The following TBC1D5 variants were observed in gnomAD, a reference collection of about 807,000 sequenced individuals.
TBC1D5 encodes TBC1 domain family member 5.
A neutral mutation model predicts 100.3 loss-of-function variants in TBC1D5; 75 were observed. The ratio of observed to expected loss-of-function variants is 0.75; its 90% CI spans 0.62 to 0.91. The LOEUF is 0.91. TBC1D5 is among the 40% of genes least tolerant of loss of function. The pLI is 0.00. For missense variants in TBC1D5, 910 were observed against 942.4 expected (o/e 0.97, Z 0.45); for synonymous variants, 323 against 325.6 (o/e 0.99, Z 0.09).
intron 8 of TBC1D5, among the ~76,000 whole-genome samples, chr3:17,389,112 G>A (rs535303633): frequency 1.8e-4 from 27 of 152,012 alleles, no homozygotes; most frequent in African/African-American, 6.0e-4. Flanking sequence ...ATCTTGTAAT[G>A]TATTTGTTAA....
intron 8 of TBC1D5, among the ~76,000 whole-genome samples, chr3:17,391,431 G>A (rs1322963725): frequency 2.6e-5 from 4 of 151,984 alleles, no homozygotes; most frequent in East Asian, 1.9e-4. Flanking sequence ...CAGCTATACT[G>A]CTCCCAAACT....
chr3:17,352,515 T>C (rs1019345451), intron 13 of TBC1D5, among the ~76,000 whole-genome samples: 2 of 151,456 alleles, frequency 1.3e-5, no homozygotes, highest in African/African-American at 4.8e-5. Context: ...TTTTATAGAG[T>C]TGACTGTAGA....
chr3:17,304,330 G>A (rs1331255242), intron 14 of TBC1D5, among the ~76,000 whole-genome samples: 1 of 152,174 alleles, frequency 6.6e-6, no homozygotes, highest in African/African-American at 2.4e-5. Context: ...TGGGGAACAG[G>A]GATTAGGGGT....
At chr3:17,417,462 A>T (rs981579953) in intron 4 of TBC1D5, among the ~76,000 whole-genome samples, 3 of 126,718 alleles carry the variant, frequency 2.4e-5, no homozygotes, top group African/African-American at 1.3e-4. Flanking sequence ...TGTTCTTGCG[A>T]ATAGTTTACT....
chr3:17,555,441 T>C (rs1042666415), intron 2 of TBC1D5, among the ~76,000 whole-genome samples: 3 of 152,098 alleles, frequency 2.0e-5, no homozygotes, highest in Non-Finnish European at 2.9e-5. Context: ...TTCCAGGTCA[T>C]AGGTGGATTC....
intron 2 of TBC1D5, among the ~76,000 whole-genome samples, chr3:17,516,846 G>A (rs1457768506): frequency 1.3e-5 from 2 of 151,878 alleles, no homozygotes; most frequent in African/African-American, 2.4e-5. Context: ...AATGCCTAAC[G>A]GAGTCCACTC....
In TBC1D5 at chr3:17,319,502, C is replaced by T. The variant is rs575477831; in HGVS notation, c.996-11368G>A. ...GTTTAACAAGACGTACAATAAGAAGCAATTTTCCTTCCCAACCCAAATCCC... is the reference window on the plus strand; with the variant it reads ...GTTTAACAAGACGTACAATAAGAAGTAATTTTCCTTCCCAACCCAAATCCC... On this transcript the variant is annotated intron_variant, in intron 13 of 21. Coordinates refer to ENST00000253692, the Ensembl canonical transcript of TBC1D5. 1.5e-4 allele frequency among the ~76,000 whole-genome samples: 23 copies of T among 150,032 alleles called. 1 individual carries two copies. In the South Asian group the frequency reaches 4.8e-3, roughly 32 times the overall value.
At chr3:17,161,401 C>A in intron 21 of TBC1D5, 145 bp from the exon 23 acceptor site, 1 of 924,096 alleles carries the variant, frequency 1.1e-6, no homozygotes, top group South Asian at 1.8e-5. Flanking sequence ...AGTGTTTGGC[C>A]TGCTGCCCTG....
chr3:17,259,265 T>A (rs983486680), intron 15 of TBC1D5, among the ~76,000 whole-genome samples: 3 of 152,234 alleles, frequency 2.0e-5, no homozygotes, highest in African/African-American at 7.2e-5. Flanking sequence ...AATGCAACAT[T>A]ATTTATAAAC....
chr3:17,214,289 G>A, exon 18 of TBC1D5: 6 of 1,613,542 alleles, frequency 3.7e-6, no homozygotes, highest in Non-Finnish European at 5.1e-6. Context: ...AGTAGCAGAT[G>A]AAGGTGGAGA....
intron 2 of TBC1D5, among the ~76,000 whole-genome samples, chr3:17,524,875 A>C (rs1015194832): frequency 2.6e-5 from 4 of 152,036 alleles, no homozygotes; most frequent in Admixed American, 6.6e-5. Flanking sequence ...TAAACAAATA[A>C]ATACATACAT....
Position 17,689,436 on chromosome 3 carries a change from G to A in TBC1D5, c.-101+49907C>T, listed in dbSNP as rs111573964. 1.1e-3 allele frequency among the ~76,000 whole-genome samples: 165 copies of A among 151,896 alleles called. 1 individual carries two copies. Among genetic ancestry groups the A allele is most frequent in the African/African-American group, 3.8e-3 (156 of 41,406 alleles). ...TGCCTATGGCCCCAGCTAGCCAGGA[G>A]GCTGAAGCTGGAGGATCGCTTGAGT... is the stretch of plus-strand genomic sequence containing the variant. On this transcript the variant is annotated intron_variant, in intron 1 of 21. Transcript: ENST00000253692.
chr3:17,738,294 T>C (rs2077123824), intron 1 of TBC1D5, among the ~76,000 whole-genome samples: 1 of 152,202 alleles, frequency 6.6e-6, no homozygotes, highest in Admixed American at 6.5e-5. Flanking sequence ...CTTGATTATA[T>C]AGATATGATC....
At chr3:17,549,094 T>G (rs1560138064) in intron 2 of TBC1D5, among the ~76,000 whole-genome samples, 1 of 152,110 alleles carries the variant, frequency 6.6e-6, no homozygotes, top group African/African-American at 2.4e-5. Context: ...GGTCAGGAGT[T>G]AGAGACCAGC....
rs558149906 is a variant in TBC1D5 at position 17,310,875 on chromosome 3, T to C, written c.996-2741A>G. On this transcript the variant is annotated intron_variant, in intron 13 of 21. Coordinates refer to ENST00000253692, the Ensembl canonical transcript of TBC1D5. Reference sequence around the variant, plus strand: ...TTCTCAAAATATTTAAGAAGAAGCATATAACTAATGGAATGCTTTGGGACC... The same window carrying C: ...TTCTCAAAATATTTAAGAAGAAGCACATAACTAATGGAATGCTTTGGGACC... 8.5e-5 allele frequency among the ~76,000 whole-genome samples: 13 copies of C among 152,130 alleles called. No homozygotes were observed. The South Asian group carries it at 2.7e-3, about 32-fold the overall frequency.
intron 3 of TBC1D5, among the ~76,000 whole-genome samples, chr3:17,491,674 T>C (rs987752437): frequency 6.6e-6 from 1 of 152,206 alleles, no homozygotes; most frequent in Admixed American, 6.5e-5. Context: ...TAATGGTGGA[T>C]AAACTTTTTG....
intron 4 of TBC1D5, among the ~76,000 whole-genome samples, chr3:17,427,548 G>A (rs1485558821): frequency 1.3e-5 from 2 of 151,910 alleles, no homozygotes; most frequent in East Asian, 3.9e-4. Context: ...AAAGAAGACA[G>A]TTTAATATTA....
intron 1 of TBC1D5, among the ~76,000 whole-genome samples, chr3:17,656,178 T>A (rs2066043389): frequency 6.6e-6 from 1 of 152,170 alleles, no homozygotes; most frequent in African/African-American, 2.4e-5. Flanking sequence ...CTGCCCTGAA[T>A]CCAGTCTCTG....
rs369069555 is a variant in TBC1D5, at chr3:17,554,605, C to T, written c.-35-46000G>A. Among the ~76,000 whole-genome samples the T allele has an allele frequency of 3.9e-5, 6 of 152,262 alleles. No individual in the cohort carries two copies. In the East Asian group the frequency reaches 7.7e-4, roughly 20 times the overall value. Reference sequence around the variant, plus strand: ...CTAGAAAACCAACAAAGGTTACTGACGAATATATATACATTCTTTATTCTC... The same window carrying T: ...CTAGAAAACCAACAAAGGTTACTGATGAATATATATACATTCTTTATTCTC... On this transcript the variant is annotated intron_variant, in intron 2 of 21. Transcript: ENST00000253692.
Sources: gnomAD v4.1 joint callset for allele counts (sites outside exome capture counted in the v4.1 genomes callset) on GRCh38, gnomAD v4.1.1 for gene constraint, MANE v1.5 for transcripts, NCBI Gene and HGNC (gene_info 2026-07-23, HGNC 2026-07-21) for gene names.